CEP89: variants seen among roughly 807,000 people sequenced by gnomAD.
CEP89 encodes the protein centrosomal protein 89, also known as centrosomal protein of 89 kDa.
A neutral mutation model predicts 97.6 loss-of-function variants in CEP89; 95 were observed. The observed-to-expected ratio is 0.97, with a 90% CI of 0.82 to 1.15. CEP89 has a LOEUF of 1.15. Ranked by LOEUF, CEP89 falls within the 50% of genes most tolerant of loss-of-function variation. The pLI, the probability that CEP89 is intolerant of heterozygous loss-of-function variation, is 0.00. For synonymous variants in CEP89, 354 were observed against 349.1 expected (o/e 1.01, Z -0.16); for missense variants, 869 against 947.7 (o/e 0.92, Z 1.09).
At chr19:32,971,568 G>A in intron 1 of CEP89, 2 of 579,436 alleles carry the variant, frequency 3.5e-6, no homozygotes. Flanking sequence ...GGGGTGGGAA[G>A]ATCGCTTGAG....
At chr19:32,919,361 A>G (rs1970201519) in intron 12 of CEP89, among the ~76,000 whole-genome samples, 1 of 152,192 alleles carries the variant, frequency 6.6e-6, no homozygotes, top group African/African-American at 2.4e-5. Context: ...GACCACCCAA[A>G]GTACACTGGG....
At chr19:32,918,377 G>T in intron 12 of CEP89, 38 bp from the exon 13 acceptor site, 1 of 1,428,392 alleles carries the variant, frequency 7.0e-7, no homozygotes, top group Non-Finnish European at 9.9e-7. Flanking sequence ...TGTGATTCAG[G>T]TGCTGAATGG....
At chr19:32,922,892 G>C (rs1378651951) in intron 12 of CEP89, among the ~76,000 whole-genome samples, 3 of 151,988 alleles carry the variant, frequency 2.0e-5, no homozygotes, top group African/African-American at 7.2e-5. Flanking sequence ...AGCAATAATG[G>C]CCTCTCCTGA....
intron 4 of CEP89, among the ~76,000 whole-genome samples, chr19:32,951,534 T>TATATATATACACACACAC (rs1407110112): frequency 1.6e-5 from 2 of 122,042 alleles, no homozygotes; most frequent in Admixed American, 8.2e-5. Flanking sequence ...TATATATATA[T>TATATATATACACACACAC]ACACACACAC....
chr19:32,895,165 A>G (rs1403564293), intron 16 of CEP89, among the ~76,000 whole-genome samples: 1 of 152,208 alleles, frequency 6.6e-6, no homozygotes, highest in African/African-American at 2.4e-5. Context: ...AGACAAGGCC[A>G]CAATAAAAAA....
In CEP89 at chr19:32,959,957, C is replaced by A; in HGVS notation, c.248G>T (p.Ser83Ile). The A allele has an allele frequency of 6.2e-7, 1 of 1,614,226 alleles. No individual in the cohort carries two copies. Among genetic ancestry groups the A allele is most frequent in the Non-Finnish European group, 8.5e-7 (1 of 1,180,040 alleles). The change falls in exon 3 of 19, where the codon AGT becomes ATT. Residue 83 changes from serine to isoleucine, a missense_variant. Physicochemically the swap from Ser to Ile is moderately radical, Grantham distance 142. Coordinates refer to ENST00000305768, the MANE Select transcript of CEP89 (RefSeq NM_032816.5). ...QRSRSESDVSSVEQDSFIEPY... is the reference protein window; with the variant it reads ...QRSRSESDVSIVEQDSFIEPY... ...CTCGATGAAGCTGTCCTGTTCAACA[C>A]TGCTCACATCACTCTCAGACCGGGA...
chr19:32,961,793 G>A (rs10403954), intron 2 of CEP89, among the ~76,000 whole-genome samples: 7,140 of 151,646 alleles, frequency 0.047, 588 homozygotes, highest in African/African-American at 0.16. Context: ...ATAGGCACAC[G>A]CCACCACACC....
chr19:32,912,937 G>T (rs1035996166), intron 14 of CEP89, among the ~76,000 whole-genome samples: 6 of 151,586 alleles, frequency 4.0e-5, no homozygotes, highest in Admixed American at 6.6e-5. Context: ...AGCTACTCGG[G>T]AGGCTGAGGC....
chr19:32,929,172 G>A (rs894591249), intron 9 of CEP89, among the ~76,000 whole-genome samples: 1 of 152,140 alleles, frequency 6.6e-6, no homozygotes, highest in Non-Finnish European at 1.5e-5. Flanking sequence ...CGCAACCCTT[G>A]TTTTCAAGGA....
At chr19:32,906,257 G>A (rs1050703065) in intron 14 of CEP89, among the ~76,000 whole-genome samples, 1 of 151,950 alleles carries the variant, frequency 6.6e-6, no homozygotes, top group African/African-American at 2.4e-5. Context: ...TTCGCCCCTT[G>A]CCCACCTTTC....
At chr19:32,916,137 G>T (rs1199979930) in intron 13 of CEP89, among the ~76,000 whole-genome samples, 1 of 151,780 alleles carries the variant, frequency 6.6e-6, no homozygotes, top group Non-Finnish European at 1.5e-5. Flanking sequence ...AATTAGCAGG[G>T]CATGGTGACA....
At chr19:32,911,035 G>A (rs753815463) in intron 14 of CEP89, among the ~76,000 whole-genome samples, 1 of 152,202 alleles carries the variant, frequency 6.6e-6, no homozygotes, top group Non-Finnish European at 1.5e-5. Flanking sequence ...CATGTGCTAG[G>A]CTTTCACAGG....
chr19:32,885,238 G>A (rs866812800), intron 17 of CEP89, among the ~76,000 whole-genome samples: 3 of 152,020 alleles, frequency 2.0e-5, no homozygotes, highest in African/African-American at 4.8e-5. Context: ...CCTTATTCCC[G>A]CTCTAAGTCT....
At position 32,948,257 on chromosome 19, in the gene CEP89, T is replaced by C. The variant is rs771772129; in HGVS notation, c.595+9A>G. ...ATATTTTATAAAAATTGTGGTTTTTTTTTTCTACCTTTTTGTTGTGTCCGC... is the reference window on the plus strand; with the variant it reads ...ATATTTTATAAAAATTGTGGTTTTTCTTTTCTACCTTTTTGTTGTGTCCGC... On this transcript the variant is annotated intron_variant, in intron 5 of 18. Transcript: ENST00000305768. 2 of 1,509,946 alleles carry C rather than the reference T, an allele frequency of 1.3e-6. No homozygotes were observed. Among genetic ancestry groups the C allele is most frequent in the African/African-American group, 1.4e-5 (1 of 71,294 alleles). 93.5% of individuals were successfully genotyped at this position (1,509,946 alleles called of 1,614,324 possible).
At chr19:32,885,968 C>T (rs764708663) in intron 17 of CEP89, among the ~76,000 whole-genome samples, 2 of 152,072 alleles carry the variant, frequency 1.3e-5, no homozygotes, top group Non-Finnish European at 2.9e-5. Context: ...TTTCTTAAAC[C>T]GCTTCTCTGT....
intron 12 of CEP89, among the ~76,000 whole-genome samples, chr19:32,918,810 C>CA (rs1210645777): frequency 5.4e-5 from 8 of 149,306 alleles, no homozygotes; most frequent in East Asian, 1.9e-4. Context: ...CAAAACAAAA[C>CA]AAAAAAACAA....
intron 12 of CEP89, among the ~76,000 whole-genome samples, 168 bp from the exon 13 acceptor site, chr19:32,918,507 G>T (rs2278404): frequency 0.27 from 41,234 of 152,086 alleles, 5,864 homozygotes; most frequent in East Asian, 0.57. Context: ...TTTGCAGTCA[G>T]GCGAGGAAGG....
At chr19:32,959,854 C>G (rs779571191) in intron 3 of CEP89, 46 bp downstream of exon 3, 13 of 1,608,568 alleles carry the variant, frequency 8.1e-6, no homozygotes, top group Non-Finnish European at 1.1e-5. Flanking sequence ...TGAGCCTGCC[C>G]CTCTTCCACT....
chr19:32,913,228 ATC>A (rs992466874), intron 14 of CEP89, among the ~76,000 whole-genome samples: 35 of 149,540 alleles, frequency 2.3e-4, no homozygotes, highest in African/African-American at 6.8e-4. Flanking sequence ...TATATACCAT[ATC>A]TCTCTCTCTT....
Sources: gnomAD v4.1 joint callset for allele counts (sites outside exome capture counted in the v4.1 genomes callset) on GRCh38, gnomAD v4.1.1 for gene constraint, MANE v1.5 for transcripts, NCBI Gene and HGNC (gene_info 2026-07-23, HGNC 2026-07-21) for gene names.